Variants in PRKN observed in about 807,000 individuals in gnomAD.
PRKN encodes parkin RBR E3 ubiquitin protein ligase.
PRKN carries 56 observed loss-of-function variants against 59.5 expected under a neutral mutation model. The observed-to-expected ratio is 0.94, with a 90% CI of 0.76 to 1.18. The LOEUF (loss-of-function observed/expected upper bound fraction) is 1.18, where lower values mean the gene tolerates loss of function less well. PRKN is among the 50% of genes most tolerant of loss of function. The pLI is 0.00. For synonymous variants in PRKN, 250 were observed against 222.1 expected, an observed-to-expected ratio of 1.13 and a Z score of -1.12; for missense variants, 657 against 596.4, an observed-to-expected ratio of 1.10 and a Z score of -1.06.
At chr6:162,630,207 T>C (rs576348392) in intron 1 of PRKN, among the ~76,000 whole-genome samples, 18 of 152,220 alleles carry the variant, frequency 1.2e-4, no homozygotes, top group Middle Eastern at 3.4e-3. Flanking sequence ...GATTACTGAG[T>C]ATATAAAATA....
At chr6:161,573,987 T>C (rs561874633) in intron 7 of PRKN, among the ~76,000 whole-genome samples, 1 of 151,808 alleles carries the variant, frequency 6.6e-6, no homozygotes, top group Non-Finnish European at 1.5e-5. Flanking sequence ...AGGACTGATG[T>C]TGATGATAGC....
Position 162,234,917 on chromosome 6 carries a change from T to C in PRKN, c.412+27608A>G, listed in dbSNP as rs182919571. 6.5e-4 allele frequency among the ~76,000 whole-genome samples: 99 copies of C among 152,276 alleles called. 1 individual carries two copies. The highest frequency in any genetic ancestry group is 4.2e-3 in the Admixed American group (64 of 15,298). On this transcript the variant is annotated intron_variant, in intron 3 of 11. Coordinates refer to ENST00000366898, the MANE Select transcript of PRKN (RefSeq NM_004562.3). ...ATCTGGAAAAACAACTGGCAGTGGGTGGTAAGTGATATTAATGTCCCTTCC... is the reference window on the plus strand; with the variant it reads ...ATCTGGAAAAACAACTGGCAGTGGGCGGTAAGTGATATTAATGTCCCTTCC...
chr6:161,600,528 T>G (rs527923700), intron 7 of PRKN, among the ~76,000 whole-genome samples: 7 of 152,322 alleles, frequency 4.6e-5, no homozygotes, highest in African/African-American at 1.7e-4. Context: ...ATGTCTTTAT[T>G]GATATACCCA....
At chr6:161,531,981 T>A (rs1341108758) in intron 9 of PRKN, among the ~76,000 whole-genome samples, 2 of 152,116 alleles carry the variant, frequency 1.3e-5, no homozygotes, top group African/African-American at 4.8e-5. Flanking sequence ...ATTAGATAGA[T>A]GCCAAAAGCA....
rs1777871985 is a variant in PRKN, at chr6:162,056,465, C to T, written c.535-2291G>A. ...TGAGCCGTACCTGAAAGAGACTGAGCCTTTTGACGGAGGCTCTTTACCCCA... is the reference window on the plus strand; with the variant it reads ...TGAGCCGTACCTGAAAGAGACTGAGTCTTTTGACGGAGGCTCTTTACCCCA... On this transcript the variant is annotated intron_variant, in intron 4 of 11. Transcript: ENST00000366898. This position sits in a 1 kb window ranked among gnomAD's most constrained non-coding sequence, Gnocchi z 4.9. Among the ~76,000 whole-genome samples, 1 of 152,170 alleles carries T rather than the reference C, an allele frequency of 6.6e-6. No individual in the cohort carries two copies. The highest frequency in any genetic ancestry group is 6.5e-5 in the Admixed American group (1 of 15,282).
chr6:161,813,749 G>A (rs1404343113), intron 6 of PRKN, among the ~76,000 whole-genome samples: 1 of 152,138 alleles, frequency 6.6e-6, no homozygotes, highest in African/African-American at 2.4e-5. Flanking sequence ...ATCCTTCCCT[G>A]CTACAGATCC....
intron 2 of PRKN, among the ~76,000 whole-genome samples, chr6:162,424,658 C>G (rs1789137946): frequency 6.6e-6 from 1 of 151,538 alleles, no homozygotes; most frequent in Non-Finnish European, 1.5e-5. Context: ...TTGCTTGAAC[C>G]CGGGAGGTGG....
intron 4 of PRKN, among the ~76,000 whole-genome samples, chr6:162,098,048 G>A (rs1321567255): frequency 2.0e-5 from 3 of 152,144 alleles, no homozygotes; most frequent in Non-Finnish European, 2.9e-5. Flanking sequence ...TAATAGTGGT[G>A]GATATGAATT....
rs116027990 is a variant in PRKN at position 162,397,403 on chromosome 6, C to T, written c.171+45907G>A. Among the ~76,000 whole-genome samples, 1,040 of 152,016 alleles carry T rather than the reference C, an allele frequency of 6.8e-3. 9 individuals carry two copies. Among genetic ancestry groups the T allele is most frequent in the Middle Eastern group, 0.014 (4 of 294 alleles). On this transcript the variant is annotated intron_variant, in intron 2 of 11. Coordinates refer to ENST00000366898, the MANE Select transcript of PRKN (RefSeq NM_004562.3). ...TCCAACAATCTCTCTTTTTTTCTTA[C>T]GCCAGTCTGGCTGGATTTCTGCTTC...
intron 2 of PRKN, among the ~76,000 whole-genome samples, chr6:162,409,781 A>G (rs1562742325): frequency 6.6e-6 from 1 of 152,210 alleles, no homozygotes. Context: ...CACACTAACT[A>G]GAAACAGCTC....
intron 3 of PRKN, among the ~76,000 whole-genome samples, chr6:162,212,413 G>A (rs182457926): frequency 2.1e-5 from 3 of 141,722 alleles, no homozygotes; most frequent in Admixed American, 7.5e-5. Flanking sequence ...TTAAGAAATT[G>A]GTGAGATTAA....
intron 1 of PRKN, among the ~76,000 whole-genome samples, chr6:162,512,953 G>A (rs925659203): frequency 6.6e-6 from 1 of 152,096 alleles, no homozygotes; most frequent in Non-Finnish European, 1.5e-5. Flanking sequence ...CTTTGCCTTC[G>A]AGGTATTTCC....
intron 6 of PRKN, among the ~76,000 whole-genome samples, chr6:161,851,862 G>A (rs901222074): frequency 1.3e-4 from 20 of 151,396 alleles, no homozygotes; most frequent in Admixed American, 9.8e-4. Context: ...CGAGGCGGGC[G>A]GATCACCTGA....
Position 162,393,155 on chromosome 6 carries a change from C to CTTTTTTTTTTTTTTTTTTTTTTTTTTTTT in PRKN, c.171+50154_171+50155insAAAAAAAAAAAAAAAAAAAAAAAAAAAAA, listed in dbSNP as rs1177332315. On this transcript the variant is annotated intron_variant, in intron 2 of 11. Coordinates refer to ENST00000366898, the MANE Select transcript of PRKN (RefSeq NM_004562.3). ...TGATACTGGGTGAGGATAGGAGATT[C>CTTTTTTTTTTTTTTTTTTTTTTTTTTTTT]TTTTTTTTTTTTTTTTTTTTTTGAG... 1.0e-4 allele frequency among the ~76,000 whole-genome samples: 8 copies of CTTTTTTTTTTTTTTTTTTTTTTTTTTTTT among 80,172 alleles called. 2 individuals are homozygous for CTTTTTTTTTTTTTTTTTTTTTTTTTTTTT. Among genetic ancestry groups the CTTTTTTTTTTTTTTTTTTTTTTTTTTTTT allele is most frequent in the Admixed American group, 2.9e-4 (2 of 6,854 alleles). The allele number at this position is 80,172 out of a possible 152,430, so 52.6% of individuals were successfully genotyped here.
At chr6:162,390,396 T>TATATATATATATATATATACACACAC (rs1180636201) in intron 2 of PRKN, among the ~76,000 whole-genome samples, 63 of 84,086 alleles carry the variant, frequency 7.5e-4, no homozygotes, top group African/African-American at 2.3e-3. Flanking sequence ...TATATATATA[T>TATATATATATATATATATACACACAC]ACACACACAC....
rs1404844177 is a variant in PRKN, at chr6:161,409,340, T to C, written c.1084-22463A>G. Among the ~76,000 whole-genome samples the C allele has an allele frequency of 6.6e-6, 1 of 152,162 alleles. No homozygotes were observed. The highest frequency in any genetic ancestry group is 6.5e-5 in the Admixed American group (1 of 15,280). On this transcript the variant is annotated intron_variant, in intron 9 of 11. Coordinates refer to ENST00000366898, the MANE Select transcript of PRKN (RefSeq NM_004562.3). This position sits in a 1 kb window ranked among gnomAD's most constrained non-coding sequence, Gnocchi z 4.6. Reference sequence around the variant, plus strand: ...AAAATCTCTGAGACGATGACAGCATTGTGTGTTCTCTAAAGCGCCAGGTTA... The same window carrying C: ...AAAATCTCTGAGACGATGACAGCATCGTGTGTTCTCTAAAGCGCCAGGTTA...
chr6:161,389,141 C>CA (rs1786394982), intron 9 of PRKN, among the ~76,000 whole-genome samples: 1 of 152,138 alleles, frequency 6.6e-6, no homozygotes, highest in Non-Finnish European at 1.5e-5. Context: ...AACTCTATCC[C>CA]AAAATATACC....
chr6:161,657,664 C>A (rs762170960), intron 7 of PRKN, among the ~76,000 whole-genome samples: 32 of 152,106 alleles, frequency 2.1e-4, no homozygotes, highest in African/African-American at 7.7e-4. Context: ...TGTTTCTTGA[C>A]ACAGCCTCAC....
intron 2 of PRKN, among the ~76,000 whole-genome samples, chr6:162,277,390 C>T (rs146274194): frequency 5.3e-5 from 8 of 152,226 alleles, no homozygotes; most frequent in African/African-American, 1.9e-4. Flanking sequence ...TAAAACAAAT[C>T]GAGGTTGCAG....
Sources: allele counts gnomAD v4.1 joint callset (sites outside exome capture counted in the v4.1 genomes callset), GRCh38; gene constraint gnomAD v4.1.1; non-coding constraint Gnocchi (gnomAD v3.1); transcripts MANE v1.5; gene names NCBI Gene and HGNC (gene_info 2026-07-23, HGNC 2026-07-21).